The following ADPRHL1 variants were observed in gnomAD, a reference collection of about 807,000 sequenced individuals.
ADPRHL1 encodes inactive ADP-ribosyltransferase ARH2.
A neutral mutation model predicts 44.1 loss-of-function variants in ADPRHL1; 43 were observed. The ratio of observed to expected loss-of-function variants is 0.98; its 90% CI spans 0.76 to 1.26. The LOEUF (loss-of-function observed/expected upper bound fraction) is 1.26, where lower values mean the gene tolerates loss of function less well. Ranked by LOEUF, ADPRHL1 falls within the 50% of genes most tolerant of loss-of-function variation. The pLI is 0.00. For synonymous variants in ADPRHL1, 878 were observed against 1,017.4 expected, an observed-to-expected ratio of 0.86 and a Z score of 2.61; for missense variants, 2,022 against 2,496.9, an observed-to-expected ratio of 0.81 and a Z score of 4.05.
In ADPRHL1 at chr13:113,407,174, G is replaced by C; in HGVS notation, c.2108C>G (p.Pro703Arg). 3.2e-6 allele frequency: 4 copies of C among 1,232,240 alleles called. No individual in the cohort carries two copies. The highest frequency in any genetic ancestry group is 4.0e-6 in the Non-Finnish European group (4 of 988,048). 76.3% of individuals were successfully genotyped at this position (1,232,240 alleles called of 1,614,324 possible). ...VMAQRDGHAV[P>R]SLAFSCAPCT... ...GGGAGCACAAGAGAAGGCCAGCGAGGGGACAGCGTGGCCGTCCCTCTGAGC... is the reference window on the plus strand; with the variant it reads ...GGGAGCACAAGAGAAGGCCAGCGAGCGGACAGCGTGGCCGTCCCTCTGAGC... Residue 703 changes from proline to arginine, a missense_variant, in exon 8 of 8, where the codon CCC (proline) becomes CGC (arginine). This residue lies in a region of ADPRHL1 where 1,221 missense variants were observed against 1,517.8 expected (regional missense o/e 0.80). Coordinates refer to ENST00000612156, the MANE Select transcript of ADPRHL1 (RefSeq NM_001394807.1).
At chr13:113,440,517 A>G (rs970549598) in intron 2 of ADPRHL1, among the ~76,000 whole-genome samples, 1 of 149,418 alleles carries the variant, frequency 6.7e-6, no homozygotes, top group African/African-American at 2.5e-5. Flanking sequence ...GTGCAGTGGC[A>G]CGATCTCAGC....
At position 113,444,572 on chromosome 13, in the gene ADPRHL1, C is replaced by G; in HGVS notation, c.232G>C (p.Asp78His). The G allele has an allele frequency of 2.5e-6, 4 of 1,614,072 alleles. No homozygotes were observed. The highest frequency in any genetic ancestry group is 3.4e-6 in the Non-Finnish European group (4 of 1,179,962). Residue 78 changes from aspartate to histidine, a missense_variant, in exon 2 of 8, where the codon GAT (aspartate) becomes CAT (histidine). Asp to His is a moderately conservative substitution (Grantham distance 81). Coordinates refer to ENST00000612156, the MANE Select transcript of ADPRHL1 (RefSeq NM_001394807.1). Reference protein sequence around the residue: ...ALTTDYWCLDDLYREMVRCYV... With the variant: ...ALTTDYWCLDHLYREMVRCYV... The stretch of plus-strand genomic sequence containing the variant: ...CATCTCACCATCTCCCGGTACAGAT[C>G]ATCCAGGCACCAGTAGTCTGCGGAA...
At chr13:113,432,748 C>T (rs2044015940) in intron 3 of ADPRHL1, among the ~76,000 whole-genome samples, 1 of 152,214 alleles carries the variant, frequency 6.6e-6, no homozygotes, top group Non-Finnish European at 1.5e-5. Context: ...GGCAGCTCTG[C>T]CCTCCTTGTT....
In ADPRHL1 at chr13:113,403,664, C is replaced by T. The variant is rs577819558; in HGVS notation, c.5618G>A (p.Ser1873Asn). 165 of 1,231,978 alleles carry T rather than the reference C, an allele frequency of 1.3e-4. 2 individuals carry two copies. The African/African-American group carries it at 2.3e-3, about 17-fold the overall frequency. 76.3% of individuals were successfully genotyped at this position (1,231,978 alleles called of 1,614,324 possible). A position where few individuals can be genotyped will look rare whatever the true frequency, so the allele number is the denominator to read the frequency against. Residue 1873 changes from serine to asparagine, a missense_variant, in exon 8 of 8, where the codon AGC (serine) becomes AAC (asparagine). By Grantham distance (46) the Ser-to-Asn change is conservative (BLOSUM62 1). This residue lies in a region of ADPRHL1 where 205 missense variants were observed against 250.1 expected (regional missense o/e 0.82). Coordinates refer to ENST00000612156, the MANE Select transcript of ADPRHL1 (RefSeq NM_001394807.1). ...PPGSRPLRGK[S>N]IATSPLGLGK... ...CAGCCCCAGGGGAGAGGTGGCAATG[C>T]TCTTGCCCCTGAGGGGGCGGCTTCC...
chr13:113,426,565 C>T (rs143301329), intron 4 of ADPRHL1, among the ~76,000 whole-genome samples: 212 of 152,350 alleles, frequency 1.4e-3, no homozygotes, highest in African/African-American at 2.7e-3. Flanking sequence ...GGACCAGGAC[C>T]TGGACGAGGC....
intron 3 of ADPRHL1, among the ~76,000 whole-genome samples, chr13:113,429,576 A>G (rs986237909): frequency 2.6e-5 from 4 of 152,192 alleles, no homozygotes; most frequent in Non-Finnish European, 5.9e-5. Flanking sequence ...TGGATGCATG[A>G]GCTGCCTCCG....
rs1321536699 is a variant in ADPRHL1, at chr13:113,433,738, T to C, written c.505+4A>G. 2 of 1,539,052 alleles carry C rather than the reference T, an allele frequency of 1.3e-6. No homozygotes were observed. Among genetic ancestry groups the C allele is most frequent in the Middle Eastern group, 2.2e-4 (1 of 4,572 alleles). On this transcript the variant is annotated splice_donor_region_variant and intron_variant, in intron 3 of 7. Transcript: ENST00000612156. ...CCTCCCTCCCACCCCCCGCCCACAC[T>C]TACCTGTGGGATGGTTGTGGGTCAT...
rs2043763721 is a variant in ADPRHL1 at position 113,401,763 on chromosome 13, GT to G, written c.*1614del. 6.6e-6 allele frequency: 1 copy of G among 152,252 alleles called. No homozygotes were observed. The highest frequency in any genetic ancestry group is 2.4e-5 in the African/African-American group (1 of 41,460). The allele number at this position is 152,252 out of a possible 1,614,324, so 9.4% of individuals were successfully genotyped here. ...AAACCTGCTGGATCTGAAGTTAATT[GT>G]TCGACTGGAAGGAAACCTGTGCGCT... On this transcript the variant is annotated 3_prime_UTR_variant, in exon 8 of 8. Transcript: ENST00000612156. This position sits in a 1 kb window ranked among gnomAD's most constrained non-coding sequence, Gnocchi z 5.5.
At chr13:113,412,031 C>T (rs1356681542) in intron 7 of ADPRHL1, among the ~76,000 whole-genome samples, 1 of 152,224 alleles carries the variant, frequency 6.6e-6, no homozygotes, top group Non-Finnish European at 1.5e-5. Flanking sequence ...GTTCCTTGAA[C>T]CTGCGGGTGG....
At chr13:113,416,914 C>T (rs1360008197) in intron 7 of ADPRHL1, among the ~76,000 whole-genome samples, 1 of 152,168 alleles carries the variant, frequency 6.6e-6, no homozygotes, top group Non-Finnish European at 1.5e-5. Context: ...CGAGGGTGTG[C>T]GTGCGAATGC....
rs182541468 is a variant in ADPRHL1, at chr13:113,406,771, G to A, written c.2511C>T (p.Ala837=). The change falls in exon 8 of 8, where the codon GCC becomes GCT. Residue 837 remains alanine (A), a synonymous_variant. Transcript: ENST00000612156. Reference sequence around the variant, plus strand: ...GGACAGTTATCCGTGGAGGCTCCGTGGCAGGCTGTGTTCTCCGAGCAGCCT... The same window carrying A: ...GGACAGTTATCCGTGGAGGCTCCGTAGCAGGCTGTGTTCTCCGAGCAGCCT... ...SVQAARRTQP[A]TEPPRITVQI... 8 of 1,231,998 alleles carry A rather than the reference G, an allele frequency of 6.5e-6. No homozygotes were observed. In the African/African-American group the frequency reaches 1.1e-4, roughly 17 times the overall value. The allele number at this position is 1,231,998 out of a possible 1,614,324, so 76.3% of individuals were successfully genotyped here.
At chr13:113,410,208 C>T (rs879405560) in intron 7 of ADPRHL1, 184 of 834,554 alleles carry the variant, frequency 2.2e-4, no homozygotes, top group African/African-American at 1.7e-3. Flanking sequence ...CTTCCCGAGA[C>T]GCCTCCCTCG....
chr13:113,403,512 C>G lies in ADPRHL1; in HGVS notation c.5770G>C (p.Glu1924Gln). The G allele has an allele frequency of 7.3e-6, 9 of 1,232,050 alleles. No individual in the cohort carries two copies. Among genetic ancestry groups the G allele is most frequent in the Non-Finnish European group, 9.1e-6 (9 of 988,040 alleles). The allele number at this position is 1,232,050 out of a possible 1,614,324, so 76.3% of individuals were successfully genotyped here. ...CTGGACCTCCCGCGACGCTCGGGCT[C>G]CGATGCCTCCATCCTGTCCTGCAGG... is the stretch of plus-strand genomic sequence containing the variant. ...RALQDRMEAS[E>Q]PERRGRSRHL... Residue 1924 changes from glutamate to glutamine, a missense_variant, in exon 8 of 8, where the codon GAG becomes CAG. Glu to Gln is a conservative substitution (Grantham distance 29). Around this residue, in one of 8 missense-constraint regions of ADPRHL1, gnomAD observed 205 missense variants for 250.1 expected, o/e 0.82. Coordinates refer to ENST00000612156, the MANE Select transcript of ADPRHL1 (RefSeq NM_001394807.1).
In ADPRHL1 at chr13:113,451,206, C is replaced by T. The variant is rs567202438; in HGVS notation, c.214+2018G>A. 2.2e-3 allele frequency among the ~76,000 whole-genome samples: 329 copies of T among 152,214 alleles called. 1 individual carries two copies. Among genetic ancestry groups the T allele is most frequent in the African/African-American group, 7.2e-3 (299 of 41,516 alleles). On this transcript the variant is annotated intron_variant, in intron 1 of 7. Transcript: ENST00000612156. ...TTTTTCCTAGGCTATGATTATAGAG[C>T]GAGGATTATCATAATATTGGAATAA...
rs2043759088 is a variant in ADPRHL1 at position 113,401,206 on chromosome 13, G to A, written c.*2172C>T. The stretch of plus-strand genomic sequence containing the variant: ...AGGCATGAGCAGGGGCCGCCAACAG[G>A]ACAAAGAGGCCACTCTGTCAGCCTC... On this transcript the variant is annotated 3_prime_UTR_variant, in exon 8 of 8. Coordinates refer to ENST00000612156, the MANE Select transcript of ADPRHL1 (RefSeq NM_001394807.1). This position sits in a 1 kb window ranked among gnomAD's most constrained non-coding sequence, Gnocchi z 5.5. The A allele has an allele frequency of 6.6e-6, 1 of 152,136 alleles. No homozygotes were observed. Among genetic ancestry groups the A allele is most frequent in the South Asian group, 2.1e-4 (1 of 4,826 alleles). The allele number at this position is 152,136 out of a possible 1,614,324, so 9.4% of individuals were successfully genotyped here.
At chr13:113,451,095 T>C (rs541715592) in intron 1 of ADPRHL1, among the ~76,000 whole-genome samples, 1 of 152,234 alleles carries the variant, frequency 6.6e-6, no homozygotes, top group East Asian at 1.9e-4. Context: ...CTGGTGGCCC[T>C]GTCCGGGCAT....
chr13:113,413,694 G>A (rs567434362), intron 7 of ADPRHL1, among the ~76,000 whole-genome samples: 7 of 152,320 alleles, frequency 4.6e-5, no homozygotes, highest in South Asian at 2.1e-4. Context: ...AAAGGCCCCC[G>A]GTCAGAGCTG....
intron 2 of ADPRHL1, 59 bp from the exon 3 acceptor site, chr13:113,433,926 A>C (rs1419206086): frequency 4.8e-6 from 7 of 1,468,652 alleles, no homozygotes; most frequent in Non-Finnish European, 6.3e-6. Flanking sequence ...ACCCCTGACA[A>C]TCTAGCTTTC....
Position 113,433,108 on chromosome 13 carries a change from C to T in ADPRHL1, c.505+634G>A, listed in dbSNP as rs544804554. ...TAAGGGGGCGACATGATCCAACCCG[C>T]TTCACCCTCACACAGCCCGATTTGG... On this transcript the variant is annotated intron_variant, in intron 3 of 7. Transcript: ENST00000612156. Among the ~76,000 whole-genome samples the T allele has an allele frequency of 3.9e-5, 6 of 152,316 alleles. No individual in the cohort carries two copies. In the South Asian group the frequency reaches 1.0e-3, roughly 26 times the overall value.
Sources: gnomAD v4.1 joint callset for allele counts (sites outside exome capture counted in the v4.1 genomes callset) on GRCh38, gnomAD v4.1.1 for gene constraint, gnomAD v4.1.1 regional missense constraint, Gnocchi (gnomAD v3.1) non-coding constraint, MANE v1.5 for transcripts, NCBI Gene and HGNC (gene_info 2026-07-23, HGNC 2026-07-21) for gene names.